Variants in ETNK1 observed in about 807,000 individuals in gnomAD.
ETNK1 encodes the protein putative protein product of Nbla10396.
In ETNK1, 8 loss-of-function variants were observed where a neutral mutation model predicts 45.1. The observed-to-expected ratio is 0.18, with a 90% confidence interval of 0.10 to 0.32. The LOEUF is 0.32. ETNK1 is among the 10% of genes least tolerant of loss of function. ETNK1 has a pLI of 1.00. For missense variants in ETNK1, 302 were observed against 430.6 expected, an observed-to-expected ratio of 0.70 and a Z score of 2.64; for synonymous variants, 152 against 151.9, an observed-to-expected ratio of 1.00 and a Z score of -0.01.
At position 22,688,786 on chromosome 12, in the gene ETNK1, C is replaced by T. The variant is rs1954281374; in HGVS notation, c.*3832C>T. 1 of 151,966 alleles carries T rather than the reference C, an allele frequency of 6.6e-6. No homozygotes were observed. The highest frequency in any genetic ancestry group is 1.5e-5 in the Non-Finnish European group (1 of 67,770). The allele number at this position is 151,966 out of a possible 1,614,324, so 9.4% of individuals were successfully genotyped here. A position where few individuals can be genotyped will look rare whatever the true frequency, so the allele number is the denominator to read the frequency against. On this transcript the variant is annotated 3_prime_UTR_variant, in exon 8 of 8. Transcript: ENST00000266517. ...AGCTTCATCTTTCAAAATTGATTTG[C>T]TCTGGTTTTTCTTTAGTCCATTAGA...
intron 2 of ETNK1, among the ~76,000 whole-genome samples, chr12:22,653,544 T>C (rs919348338): frequency 7.2e-5 from 11 of 152,298 alleles, no homozygotes; most frequent in African/African-American, 2.6e-4. Context: ...TGTTTTATTA[T>C]TTTCAGTTTA....
intron 3 of ETNK1, among the ~76,000 whole-genome samples, chr12:22,660,438 C>T (rs961389613): frequency 1.3e-5 from 2 of 152,044 alleles, no homozygotes; most frequent in African/African-American, 4.8e-5. Flanking sequence ...GACAAAAAGT[C>T]GCGATTTCTA....
chr12:22,639,891 T>C (rs974571515), intron 1 of ETNK1, among the ~76,000 whole-genome samples: 1 of 152,252 alleles, frequency 6.6e-6, no homozygotes, highest in Admixed American at 6.5e-5. Context: ...TTTTCTGTTG[T>C]ATCCTCCACA....
chr12:22,652,280 C>T (rs1484137029), intron 2 of ETNK1, among the ~76,000 whole-genome samples: 2 of 152,118 alleles, frequency 1.3e-5, no homozygotes, highest in Non-Finnish European at 1.5e-5. Flanking sequence ...GGGCAATAGT[C>T]ACTTTTGGCT....
intron 6 of ETNK1, among the ~76,000 whole-genome samples, chr12:22,682,779 G>T (rs1446236579): frequency 1.3e-5 from 2 of 151,986 alleles, no homozygotes; most frequent in East Asian, 3.9e-4. Context: ...TTGAACCATT[G>T]GTGCAAATGT....
chr12:22,672,195 A>G (rs537140345), intron 5 of ETNK1, among the ~76,000 whole-genome samples: 2 of 152,202 alleles, frequency 1.3e-5, no homozygotes, highest in East Asian at 1.9e-4. Flanking sequence ...ATTAATTTAT[A>G]ATTACTTAAG....
At chr12:22,643,385 T>G (rs921444478) in intron 1 of ETNK1, among the ~76,000 whole-genome samples, 1 of 152,002 alleles carries the variant, frequency 6.6e-6, no homozygotes, top group African/African-American at 2.4e-5. Flanking sequence ...CCTGTATGTG[T>G]ACATTCCCTG....
At chr12:22,682,546 C>G (rs1176201275) in intron 6 of ETNK1, among the ~76,000 whole-genome samples, 1 of 152,080 alleles carries the variant, frequency 6.6e-6, no homozygotes, top group African/African-American at 2.4e-5. Flanking sequence ...AGTAGACGTG[C>G]TTTATATGTA....
At chr12:22,668,916 A>T (rs1005932111) in intron 4 of ETNK1, among the ~76,000 whole-genome samples, 9 of 152,308 alleles carry the variant, frequency 5.9e-5, no homozygotes, top group African/African-American at 1.9e-4. Flanking sequence ...ACAAGCAGGG[A>T]TGTTTTACCT....
At chr12:22,680,904 C>T (rs917049958) in intron 6 of ETNK1, among the ~76,000 whole-genome samples, 1 of 112,906 alleles carries the variant, frequency 8.9e-6, no homozygotes, top group African/African-American at 2.9e-5. Flanking sequence ...CCGCCCCCCC[C>T]TCCATTATAT....
chr12:22,662,444 G>A (rs1340513537), intron 4 of ETNK1, among the ~76,000 whole-genome samples: 8 of 148,676 alleles, frequency 5.4e-5, no homozygotes, highest in Non-Finnish European at 1.2e-4. Flanking sequence ...CCCAGGCCTG[G>A]AATGCAGTGG....
At chr12:22,644,278 T>C (rs1953778713) in intron 2 of ETNK1, 1 of 1,605,528 alleles carries the variant, frequency 6.2e-7, no homozygotes, top group Non-Finnish European at 8.5e-7. Flanking sequence ...CTGCAGAGGG[T>C]CAAGGCTTCT....
At chr12:22,639,884 T>A (rs965922476) in intron 1 of ETNK1, among the ~76,000 whole-genome samples, 7 of 152,196 alleles carry the variant, frequency 4.6e-5, no homozygotes, top group African/African-American at 1.2e-4. Context: ...GAATACTTTT[T>A]CTGTTGTATC....
chr12:22,642,730 T>G (rs12303218), intron 1 of ETNK1, among the ~76,000 whole-genome samples: 8,802 of 152,096 alleles, frequency 0.058, 812 homozygotes, highest in African/African-American at 0.2. Flanking sequence ...TTTTTTCTAT[T>G]CTTGCCCCAT....
At chr12:22,680,257 T>C (rs780241580) in intron 6 of ETNK1, among the ~76,000 whole-genome samples, 1 of 152,216 alleles carries the variant, frequency 6.6e-6, no homozygotes, top group Non-Finnish European at 1.5e-5. Context: ...CTTGCCAACA[T>C]TAGCCTTTAC....
intron 1 of ETNK1, among the ~76,000 whole-genome samples, chr12:22,640,396 CT>C (rs77034488): frequency 0.015 from 1,880 of 126,358 alleles, 27 homozygotes; most frequent in African/African-American, 0.04. Context: ...AATTGAAAGC[CT>C]TTTTTTTTTT....
In ETNK1 at chr12:22,640,396, C is replaced by CT. The variant is rs77034488; in HGVS notation, c.157-3350dup. 4.2e-3 allele frequency among the ~76,000 whole-genome samples: 527 copies of CT among 126,416 alleles called. 1 individual carries two copies. The highest frequency in any genetic ancestry group is 5.1e-3 in the African/African-American group (176 of 34,390). 82.9% of individuals were successfully genotyped at this position (126,416 alleles called of 152,430 possible). A position where few individuals can be genotyped will look rare whatever the true frequency, so the allele number is the denominator to read the frequency against. ...TGGCATTTCTAACTAAATTGAAAGC[C>CT]TTTTTTTTTTTTTTTTTAAGATGTG... is the stretch of plus-strand genomic sequence containing the variant. On this transcript the variant is annotated intron_variant, in intron 1 of 7. Transcript: ENST00000266517.
In ETNK1 at chr12:22,630,629, T is replaced by C. The variant is rs188753741; in HGVS notation, c.156+5043T>C. Among the ~76,000 whole-genome samples the C allele has an allele frequency of 3.4e-3, 513 of 152,260 alleles. 4 individuals are homozygous for C. Among genetic ancestry groups the C allele is most frequent in the African/African-American group, 0.012 (501 of 41,530 alleles). On this transcript the variant is annotated intron_variant, in intron 1 of 7. Transcript: ENST00000266517. ...TTTATTTTATTTTATTTTATTTTTTTTGAGACAGAGTCTCGCTGTAGCCCA... is the reference window on the plus strand; with the variant it reads ...TTTATTTTATTTTATTTTATTTTTTCTGAGACAGAGTCTCGCTGTAGCCCA...
intron 2 of ETNK1, among the ~76,000 whole-genome samples, chr12:22,645,771 C>G (rs1021336176): frequency 1.3e-5 from 2 of 151,628 alleles, no homozygotes; most frequent in African/African-American, 4.8e-5. Context: ...TTATTGTTAA[C>G]TATAATTTCC....
Sources: allele counts gnomAD v4.1 joint callset (sites outside exome capture counted in the v4.1 genomes callset), GRCh38; gene constraint gnomAD v4.1.1; transcripts MANE v1.5; gene names NCBI Gene and HGNC (gene_info 2026-07-23, HGNC 2026-07-21).